PTPRJ: variants seen among roughly 807,000 people sequenced by gnomAD.
PTPRJ encodes the protein protein tyrosine phosphatase receptor type J, also known as receptor-type tyrosine-protein phosphatase eta.
Under a neutral mutation model 141.3 loss-of-function variants are expected in PTPRJ, and 129 were observed. The observed-to-expected ratio is 0.91, with a 90% CI of 0.79 to 1.06. The LOEUF (loss-of-function observed/expected upper bound fraction) is 1.06. Among genes scored for constraint, PTPRJ ranks in the 50% least tolerant of loss-of-function variants. The probability of loss-of-function intolerance (pLI) is 0.00; values close to 1 mark genes in which losing one functional copy is unlikely to be tolerated. For missense variants in PTPRJ, 1,601 were observed against 1,679.7 expected (o/e 0.95, Z 0.82); for synonymous variants, 610 against 640.5 (o/e 0.95, Z 0.72).
intron 1 of PTPRJ, among the ~76,000 whole-genome samples, chr11:48,045,750 A>G (rs1854376643): frequency 6.6e-6 from 1 of 152,116 alleles, no homozygotes; most frequent in African/African-American, 2.4e-5. Context: ...GTTGTGGCCC[A>G]GTTGTTTGGC....
At chr11:48,114,034 A>G (rs2134329342) in intron 3 of PTPRJ, among the ~76,000 whole-genome samples, 1 of 152,306 alleles carries the variant, frequency 6.6e-6, no homozygotes, top group Middle Eastern at 3.4e-3. Flanking sequence ...ATTTTTCATA[A>G]AAAACATTGT....
chr11:48,069,902 A>T (rs952726992), intron 1 of PTPRJ, among the ~76,000 whole-genome samples: 1 of 152,200 alleles, frequency 6.6e-6, no homozygotes, highest in Non-Finnish European at 1.5e-5. Context: ...GTGGACTTGC[A>T]TCTCATTTGT....
At chr11:47,998,844 G>A (rs765116526) in intron 1 of PTPRJ, among the ~76,000 whole-genome samples, 1 of 152,140 alleles carries the variant, frequency 6.6e-6, no homozygotes, top group Non-Finnish European at 1.5e-5. Flanking sequence ...GTAAATACAT[G>A]TAGGAGGTGC....
At chr11:48,080,344 A>G (rs551043983) in intron 1 of PTPRJ, among the ~76,000 whole-genome samples, 90 of 152,334 alleles carry the variant, frequency 5.9e-4, no homozygotes, top group African/African-American at 2.1e-3. Context: ...AATCTTCACT[A>G]CAACTATGGG....
At chr11:48,100,401 A>G (rs1856121547) in intron 1 of PTPRJ, among the ~76,000 whole-genome samples, 1 of 152,160 alleles carries the variant, frequency 6.6e-6, no homozygotes, top group Non-Finnish European at 1.5e-5. Context: ...AATAATAGCT[A>G]CTATTTATTG....
intron 1 of PTPRJ, among the ~76,000 whole-genome samples, chr11:48,020,578 A>T (rs1021752609): frequency 6.6e-6 from 1 of 152,196 alleles, no homozygotes; most frequent in Admixed American, 6.5e-5. Flanking sequence ...GTCCGGGGGC[A>T]GAGTGAAGGC....
intron 1 of PTPRJ, among the ~76,000 whole-genome samples, chr11:48,089,372 C>G (rs890182161): frequency 6.6e-6 from 1 of 151,990 alleles, no homozygotes; most frequent in Non-Finnish European, 1.5e-5. Context: ...GAAAACTATC[C>G]AGGCATAATG....
intron 1 of PTPRJ, among the ~76,000 whole-genome samples, chr11:47,994,668 A>T (rs563344572): frequency 4.9e-4 from 75 of 152,126 alleles, no homozygotes; most frequent in Middle Eastern, 3.4e-3. Flanking sequence ...CTGTCTCAAA[A>T]AAATAAATAA....
chr11:48,048,943 C>G (rs1475119460), intron 1 of PTPRJ, among the ~76,000 whole-genome samples: 2 of 152,224 alleles, frequency 1.3e-5, no homozygotes, highest in Non-Finnish European at 2.9e-5. Flanking sequence ...AAGTCAGTCA[C>G]TGTCCAGGCT....
chr11:48,136,237 C>G lies in PTPRJ; in HGVS notation c.1814C>G (p.Thr605Ser). 6.2e-7 allele frequency: 1 copy of G among 1,614,218 alleles called. No homozygotes were observed. Residue 605 changes from threonine to serine, a missense_variant, in exon 9 of 25, where the codon ACC becomes AGC. Physicochemically the swap from Thr to Ser is moderately conservative, Grantham distance 58. Transcript: ENST00000418331. ...GLIPGTLYNI[T>S]ISPEVDHVWG... ...ATTCCGGGCACCTTATATAACATCACCATCTCTCCAGAAGTGGACCACGTC... is the reference window on the plus strand; with the variant it reads ...ATTCCGGGCACCTTATATAACATCAGCATCTCTCCAGAAGTGGACCACGTC...
At chr11:47,988,149 A>T (rs1854097918) in intron 1 of PTPRJ, among the ~76,000 whole-genome samples, 1 of 152,132 alleles carries the variant, frequency 6.6e-6, no homozygotes, top group Admixed American at 6.5e-5. Context: ...GTGAGTGAGT[A>T]TTAAAACTTC....
intron 1 of PTPRJ, among the ~76,000 whole-genome samples, chr11:48,002,742 C>T (rs961205169): frequency 5.9e-5 from 9 of 152,124 alleles, no homozygotes; most frequent in African/African-American, 2.2e-4. Flanking sequence ...GGCGAGTTTC[C>T]TGGGCGGCTT....
intron 1 of PTPRJ, among the ~76,000 whole-genome samples, chr11:47,997,977 G>C (rs1166702043): frequency 6.6e-6 from 1 of 152,182 alleles, no homozygotes; most frequent in Non-Finnish European, 1.5e-5. Context: ...GGTGATGCCA[G>C]CCAGGGGTGA....
intron 1 of PTPRJ, among the ~76,000 whole-genome samples, chr11:48,027,029 G>T (rs1345835073): frequency 2.2e-5 from 3 of 133,530 alleles, no homozygotes; most frequent in Non-Finnish European, 3.1e-5. Context: ...TTTTGAGACG[G>T]CGTCTCGCTT....
chr11:48,118,799 C>G lies in PTPRJ; in HGVS notation c.353-2204C>G, dbSNP rs915005014. Among the ~76,000 whole-genome samples, 4 of 152,170 alleles carry G rather than the reference C, an allele frequency of 2.6e-5. No individual in the cohort carries two copies. In the South Asian group the frequency reaches 6.2e-4, roughly 24 times the overall value. ...ACTTAAGAACTTGCTTTTCCAAAAC[C>G]TTCCCAGAATCCCTGTATGAATCAA... On this transcript the variant is annotated intron_variant, in intron 3 of 24. Transcript: ENST00000418331.
chr11:48,049,201 T>C (rs977614592), intron 1 of PTPRJ, among the ~76,000 whole-genome samples: 3 of 152,060 alleles, frequency 2.0e-5, no homozygotes, highest in African/African-American at 7.2e-5. Flanking sequence ...CTCTATCCAC[T>C]AGATGCCAGT....
chr11:48,155,148 T>C (rs1857571598), intron 19 of PTPRJ, among the ~76,000 whole-genome samples: 1 of 152,212 alleles, frequency 6.6e-6, no homozygotes, highest in African/African-American at 2.4e-5. Flanking sequence ...TTATAAAACA[T>C]AATTCTGTGT....
At chr11:48,039,071 A>G (rs1336709904) in intron 1 of PTPRJ, among the ~76,000 whole-genome samples, 1 of 151,034 alleles carries the variant, frequency 6.6e-6, no homozygotes, top group Non-Finnish European at 1.5e-5. Flanking sequence ...AATCACCTGA[A>G]CCTGGGAGGC....
chr11:48,147,858 T>TC (rs1038505642), intron 15 of PTPRJ, among the ~76,000 whole-genome samples: 46 of 152,048 alleles, frequency 3.0e-4, no homozygotes, highest in African/African-American at 1.1e-3. Context: ...TCTGTTTTTT[T>TC]TTTTTTGAGA....
Sources: gnomAD v4.1 joint callset for allele counts (sites outside exome capture counted in the v4.1 genomes callset) on GRCh38, gnomAD v4.1.1 for gene constraint, MANE v1.5 for transcripts, NCBI Gene and HGNC (gene_info 2026-07-23, HGNC 2026-07-21) for gene names.